ARHGAP29: variants seen among roughly 807,000 people sequenced by gnomAD.
ARHGAP29 encodes the protein rho GTPase-activating protein 29.
Under a neutral mutation model 122.6 loss-of-function variants are expected in ARHGAP29, and 43 were observed. That is an observed-to-expected ratio of 0.35 (90% CI 0.27 to 0.45). The LOEUF is 0.45. Ranked by LOEUF, ARHGAP29 falls within the 20% of genes least tolerant of loss-of-function variation. The pLI is 1.00. For missense variants in ARHGAP29, 1,303 were observed against 1,477.2 expected, an observed-to-expected ratio of 0.88 and a Z score of 1.93; for synonymous variants, 506 against 497.1, an observed-to-expected ratio of 1.02 and a Z score of -0.24.
rs192340398 is a variant in ARHGAP29, at chr1:94,180,777, T to A, written c.2248-820A>T. On this transcript the variant is annotated intron_variant, in intron 19 of 22. Coordinates refer to ENST00000260526, the MANE Select transcript of ARHGAP29 (RefSeq NM_004815.4). ...TGAAGTCTACTCTCTAACATTGTTTTAAGAATGGAACATGGTTTCCCACAT... is the reference window on the plus strand; with the variant it reads ...TGAAGTCTACTCTCTAACATTGTTTAAAGAATGGAACATGGTTTCCCACAT... Among the ~76,000 whole-genome samples, 23 of 152,328 alleles carry A rather than the reference T, an allele frequency of 1.5e-4. No homozygotes were observed. The East Asian group carries it at 4.2e-3, about 28-fold the overall frequency.
intron 16 of ARHGAP29, among the ~76,000 whole-genome samples, 159 bp from the exon 17 acceptor site, chr1:94,185,640 G>A (rs988493524): frequency 1.3e-5 from 2 of 152,048 alleles, no homozygotes; most frequent in Non-Finnish European, 2.9e-5. Flanking sequence ...CCAATTTATA[G>A]GTCTAATTTA....
intron 10 of ARHGAP29, 29 bp downstream of exon 10, chr1:94,202,889 G>A: frequency 6.4e-7 from 1 of 1,574,118 alleles, no homozygotes; most frequent in Non-Finnish European, 8.6e-7. Flanking sequence ...TTCACAAATA[G>A]GTACATGAAA....
chr1:94,265,300 G>A (rs1213692693), intron 1 of ARHGAP29, among the ~76,000 whole-genome samples: 2 of 152,204 alleles, frequency 1.3e-5, no homozygotes, highest in African/African-American at 2.4e-5. Flanking sequence ...TTCCCTGTGA[G>A]CTGAATCTAT....
chr1:94,223,863 CA>C (rs1388197729), intron 2 of ARHGAP29, among the ~76,000 whole-genome samples: 1 of 151,352 alleles, frequency 6.6e-6, no homozygotes, highest in Non-Finnish European at 1.5e-5. Context: ...GCTAGAATGC[CA>C]CGGTGCAATC....
In ARHGAP29 at chr1:94,189,907, T is replaced by C. The variant is rs750677279; in HGVS notation, c.1439+19A>G. On this transcript the variant is annotated intron_variant, in intron 13 of 22. Coordinates refer to ENST00000260526, the MANE Select transcript of ARHGAP29 (RefSeq NM_004815.4). ...TGTTTTATATTTTGAAATAATTTTG[T>C]CTGTACATTAATTCTCACCCATCAA... is the stretch of plus-strand genomic sequence containing the variant. 1 of 1,610,068 alleles carries C rather than the reference T, an allele frequency of 6.2e-7. No homozygotes were observed. Among genetic ancestry groups the C allele is most frequent in the Non-Finnish European group, 8.5e-7 (1 of 1,177,252 alleles).
At chr1:94,213,240 C>T (rs1021777797) in intron 3 of ARHGAP29, among the ~76,000 whole-genome samples, 5 of 152,120 alleles carry the variant, frequency 3.3e-5, no homozygotes, top group East Asian at 1.9e-4. Context: ...AGTGCAGTGG[C>T]GTGATCTCGG....
rs559427480 is a variant in ARHGAP29 at position 94,179,546 on chromosome 1, T to C, written c.2480+179A>G. ...GAGGCGAGGCTGCAGAGAGCCGAGA[T>C]TGTGCTGCTGCACCCCAGCCTGGGT... On this transcript the variant is annotated intron_variant, in intron 20 of 22. Coordinates refer to ENST00000260526, the MANE Select transcript of ARHGAP29 (RefSeq NM_004815.4). Among the ~76,000 whole-genome samples, 4 of 133,396 alleles carry C rather than the reference T, an allele frequency of 3.0e-5. No individual in the cohort carries two copies. In the East Asian group the frequency reaches 6.6e-4, roughly 22 times the overall value. 87.5% of individuals were successfully genotyped at this position (133,396 alleles called of 152,430 possible).
At chr1:94,275,968 A>T (rs201440914), upstream of ARHGAP29, among the ~76,000 whole-genome samples, 1 of 149,562 alleles carries the variant, frequency 6.7e-6, no homozygotes. Context: ...AAAAAAAAAA[A>T]GTTTTGGGGC....
In ARHGAP29 at chr1:94,169,054, C is replaced by T. The variant is rs115141181; in HGVS notation, c.*4815G>A. 8.9e-3 allele frequency among the ~76,000 whole-genome samples: 1,355 copies of T among 152,180 alleles called. 26 individuals are homozygous for T. The highest frequency in any genetic ancestry group is 0.031 in the African/African-American group (1,287 of 41,502). ...TATTTAAAAATTGTTACAGCCAAGA[C>T]CAAAAAGTGAGAACCACAATTCAAT... On this transcript the variant is annotated 3_prime_UTR_variant, in exon 23 of 23. Transcript: ENST00000260526.
In ARHGAP29 at chr1:94,174,447, T is replaced by C; in HGVS notation, c.3208A>G (p.Asn1070Asp). ...DAATTVCSKF[N>D]GFDQQTLQKI... ...TGTAGAGTTTGCTGGTCAAAGCCATTAAATTTGGAACAAACAGTAGTAGCA... is the reference window on the plus strand; with the variant it reads ...TGTAGAGTTTGCTGGTCAAAGCCATCAAATTTGGAACAAACAGTAGTAGCA... The change falls in exon 23 of 23, where the codon AAT becomes GAT. Residue 1070 changes from asparagine (N) to aspartate (D), a missense_variant. Transcript: ENST00000260526. The C allele has an allele frequency of 6.2e-7, 1 of 1,614,228 alleles. No homozygotes were observed. The highest frequency in any genetic ancestry group is 8.5e-7 in the Non-Finnish European group (1 of 1,180,044).
chr1:94,189,863 T>C (rs1243981019), intron 13 of ARHGAP29, 63 bp downstream of exon 13: 9 of 1,532,026 alleles, frequency 5.9e-6, no homozygotes, highest in Non-Finnish European at 6.3e-6. Flanking sequence ...TTGTACTAGA[T>C]AGAAACTTAA....
intron 22 of ARHGAP29, chr1:94,177,026 A>G (rs1252362331): frequency 8.5e-5 from 13 of 152,072 alleles, no homozygotes; most frequent in Admixed American, 8.5e-4. Flanking sequence ...GACAATACAA[A>G]TGGAAGCTTT....
At chr1:94,300,024 TATGAAAC>T in the ARHGAP29 span, among the ~76,000 whole-genome samples, 1 of 152,174 alleles carries the variant, frequency 6.6e-6, no homozygotes, top group Non-Finnish European at 1.5e-5. Context: ...ATAGAAGTCT[TATGAAAC>T]ATGCACATAT....
At chr1:94,279,929 C>T (rs1285281621), upstream of ARHGAP29, among the ~76,000 whole-genome samples, 1 of 152,138 alleles carries the variant, frequency 6.6e-6, no homozygotes, top group Non-Finnish European at 1.5e-5. Context: ...GAAACAGCCT[C>T]CCTTCCTGCT....
intron 7 of ARHGAP29, among the ~76,000 whole-genome samples, chr1:94,204,636 T>G (rs935277223): frequency 7.2e-5 from 11 of 152,244 alleles, no homozygotes; most frequent in Non-Finnish European, 1.3e-4. Context: ...TCTCAGAGTT[T>G]TTGTAAGAAG....
intron 16 of ARHGAP29, among the ~76,000 whole-genome samples, 177 bp downstream of exon 16, chr1:94,186,322 T>C (rs942839703): frequency 6.6e-6 from 1 of 152,254 alleles, no homozygotes; most frequent in African/African-American, 2.4e-5. Flanking sequence ...ATTTGATTAA[T>C]ACATTATCAA....
At position 94,170,352 on chromosome 1, in the gene ARHGAP29, C is replaced by T. The variant is rs1331097180; in HGVS notation, c.*3517G>A. 6.6e-6 allele frequency among the ~76,000 whole-genome samples: 1 copy of T among 152,096 alleles called. No homozygotes were observed. The highest frequency in any genetic ancestry group is 1.5e-5 in the Non-Finnish European group (1 of 68,032). On this transcript the variant is annotated 3_prime_UTR_variant, in exon 23 of 23. Transcript: ENST00000260526. The stretch of plus-strand genomic sequence containing the variant: ...CTTATGGGTCTTATCTAATGATAAA[C>T]CAAAACTGAGGAACTTTCTACAAAC...
At chr1:94,180,663 A>C (rs1464327020) in intron 19 of ARHGAP29, among the ~76,000 whole-genome samples, 1 of 152,116 alleles carries the variant, frequency 6.6e-6, no homozygotes, top group African/African-American at 2.4e-5. Flanking sequence ...TAGCCTTGAG[A>C]TCAATTTCTA....
chr1:94,299,448 A>C, the ARHGAP29 span, among the ~76,000 whole-genome samples: 2 of 152,242 alleles, frequency 1.3e-5, no homozygotes, highest in Non-Finnish European at 2.9e-5. Flanking sequence ...ATCCTAAGAA[A>C]GAGCTTAACT....
Sources: gnomAD v4.1 joint callset for allele counts (sites outside exome capture counted in the v4.1 genomes callset) on GRCh38, gnomAD v4.1.1 for gene constraint, MANE v1.5 for transcripts, NCBI Gene and HGNC (gene_info 2026-07-23, HGNC 2026-07-21) for gene names.